The following PDE4D variants were observed in gnomAD, a reference collection of about 807,000 sequenced individuals.
PDE4D encodes the protein 3',5'-cyclic-AMP phosphodiesterase 4D.
Under a neutral mutation model 87.4 loss-of-function variants are expected in PDE4D, and 24 were observed. The ratio of observed to expected loss-of-function variants is 0.27; its 90% CI spans 0.20 to 0.39. The LOEUF is 0.39. PDE4D is among the 10% of genes least tolerant of loss of function. PDE4D has a pLI of 1.00. For missense variants in PDE4D, 714 were observed against 1,041.0 expected, an observed-to-expected ratio of 0.69 and a Z score of 4.32; for synonymous variants, 384 against 383.2, an observed-to-expected ratio of 1.00 and a Z score of -0.02.
intron 1 of PDE4D, among the ~76,000 whole-genome samples, chr5:59,827,025 C>G (rs1770409945): frequency 6.6e-6 from 1 of 151,860 alleles, no homozygotes; most frequent in African/African-American, 2.4e-5. Context: ...CAAGCCAAAA[C>G]TTTGGGGATA....
chr5:59,078,851 GC>G (rs575616883), intron 5 of PDE4D, among the ~76,000 whole-genome samples: 31 of 152,240 alleles, frequency 2.0e-4, no homozygotes, highest in Middle Eastern at 6.8e-3. Flanking sequence ...GGTCATGTGA[GC>G]TTTGCCCTGA....
intron 1 of PDE4D, among the ~76,000 whole-genome samples, chr5:60,317,750 T>G (rs1429262763): frequency 2.0e-5 from 3 of 152,158 alleles, no homozygotes; most frequent in Non-Finnish European, 4.4e-5. Context: ...TATGTACCCA[T>G]TAGTCATTCA....
chr5:60,170,642 A>G (rs1431921024), intron 2 of PDE4D, among the ~76,000 whole-genome samples: 1 of 152,014 alleles, frequency 6.6e-6, no homozygotes, highest in East Asian at 1.9e-4. Flanking sequence ...CACAAAATAA[A>G]GAGCACTTGA....
chr5:60,070,758 A>C (rs1462572486), intron 2 of PDE4D, among the ~76,000 whole-genome samples: 1 of 152,026 alleles, frequency 6.6e-6, no homozygotes, highest in East Asian at 1.9e-4. Context: ...AAATGGTATA[A>C]ATTTTTCTTT....
chr5:59,229,039 T>G (rs1754527642), intron 1 of PDE4D, among the ~76,000 whole-genome samples: 1 of 152,160 alleles, frequency 6.6e-6, no homozygotes, highest in Non-Finnish European at 1.5e-5. Context: ...TTCCTTACTC[T>G]TAATTTTTCT....
At chr5:59,022,254 G>A (rs1455685507) in intron 6 of PDE4D, among the ~76,000 whole-genome samples, 4 of 152,098 alleles carry the variant, frequency 2.6e-5, no homozygotes, top group South Asian at 2.1e-4. Context: ...TGAACCCTGC[G>A]GTGGAAAGGG....
intron 1 of PDE4D, among the ~76,000 whole-genome samples, chr5:60,310,983 A>G (rs1754978920): frequency 6.6e-6 from 1 of 151,452 alleles, no homozygotes; most frequent in African/African-American, 2.4e-5. Flanking sequence ...GGCAATTTTT[A>G]TTAGCTAATC....
At chr5:59,199,253 A>G (rs1365459535) in intron 2 of PDE4D, among the ~76,000 whole-genome samples, 1 of 89,966 alleles carries the variant, frequency 1.1e-5, no homozygotes, top group African/African-American at 3.6e-5. Flanking sequence ...GTTTGAATCT[A>G]ATCCTTTTTT....
chr5:60,306,794 C>T (rs1754536788), intron 1 of PDE4D, among the ~76,000 whole-genome samples: 2 of 151,828 alleles, frequency 1.3e-5, no homozygotes, highest in East Asian at 1.9e-4. Flanking sequence ...AGAAAGAAAT[C>T]GAAACCGGAA....
intron 1 of PDE4D, among the ~76,000 whole-genome samples, chr5:59,348,887 T>C (rs1780050629): frequency 6.6e-6 from 1 of 151,930 alleles, no homozygotes; most frequent in African/African-American, 2.4e-5. Flanking sequence ...AGGCCAAGTA[T>C]TTGAGACAAA....
chr5:60,266,954 C>A (rs996258474), intron 1 of PDE4D, among the ~76,000 whole-genome samples: 85 of 152,270 alleles, frequency 5.6e-4, no homozygotes, highest in Middle Eastern at 3.4e-3. Context: ...TGTATTATCC[C>A]AAACCCATGT....
At chr5:59,115,253 A>G (rs996217689) in intron 5 of PDE4D, among the ~76,000 whole-genome samples, 1 of 152,206 alleles carries the variant, frequency 6.6e-6, no homozygotes. Flanking sequence ...CAGTTTGAAC[A>G]CCAAAAATTA....
intron 1 of PDE4D, among the ~76,000 whole-genome samples, chr5:59,386,206 A>G (rs1786942976): frequency 6.6e-6 from 1 of 152,146 alleles, no homozygotes; most frequent in African/African-American, 2.4e-5. Context: ...TGTTGGCATG[A>G]ATTAAAAACA....
At chr5:59,919,805 C>T (rs959920784) in intron 3 of PDE4D, among the ~76,000 whole-genome samples, 2 of 152,104 alleles carry the variant, frequency 1.3e-5, no homozygotes, top group African/African-American at 2.4e-5. Context: ...TGTATATGCG[C>T]ATATATTTTA....
At chr5:60,404,038 G>A (rs1318359453) in intron 1 of PDE4D, among the ~76,000 whole-genome samples, 6 of 152,056 alleles carry the variant, frequency 3.9e-5, no homozygotes, top group Admixed American at 2.0e-4. Context: ...AAAACTGAGC[G>A]ATTCTCCTCA....
intron 2 of PDE4D, among the ~76,000 whole-genome samples, chr5:60,060,402 A>G (rs953952268): frequency 2.6e-5 from 4 of 151,806 alleles, no homozygotes; most frequent in Admixed American, 2.6e-4. Context: ...GACTAAAGCA[A>G]CTCCATCTTC....
chr5:60,270,066 A>G (rs772424136), intron 1 of PDE4D, among the ~76,000 whole-genome samples: 19 of 152,324 alleles, frequency 1.2e-4, no homozygotes, highest in Admixed American at 3.3e-4. Flanking sequence ...TCAGTGGTTC[A>G]GAGGGAGACA....
chr5:59,338,714 C>T (rs1778181270), intron 1 of PDE4D, among the ~76,000 whole-genome samples: 1 of 152,188 alleles, frequency 6.6e-6, no homozygotes, highest in South Asian at 2.1e-4. Flanking sequence ...CAAGTATGCA[C>T]TTTCCAAGTT....
At chr5:60,478,001 A>C (rs1748455834) in intron 1 of PDE4D, among the ~76,000 whole-genome samples, 1 of 152,200 alleles carries the variant, frequency 6.6e-6, no homozygotes, top group Non-Finnish European at 1.5e-5. Flanking sequence ...TCATTTATCC[A>C]TTTAATCCAA....
Sources: allele counts gnomAD v4.1 joint callset (sites outside exome capture counted in the v4.1 genomes callset), GRCh38; gene constraint gnomAD v4.1.1; transcripts MANE v1.5; gene names NCBI Gene and HGNC (gene_info 2026-07-23, HGNC 2026-07-21).